Variants in SCD5 observed in about 807,000 individuals in gnomAD.
SCD5 encodes the protein acyl-CoA-desaturase 4.
Under a neutral mutation model 30.4 loss-of-function variants are expected in SCD5, and 20 were observed. That is an observed-to-expected ratio of 0.66 (90% confidence interval 0.46 to 0.96). SCD5 has a LOEUF of 0.96. Ranked by LOEUF, SCD5 falls within the 40% of genes least tolerant of loss-of-function variation. The pLI, the probability that SCD5 is intolerant of heterozygous loss-of-function variation, is 0.00. For synonymous variants in SCD5, 173 were observed against 176.4 expected, an observed-to-expected ratio of 0.98 and a Z score of 0.16; for missense variants, 381 against 443.3, an observed-to-expected ratio of 0.86 and a Z score of 1.26.
intron 1 of SCD5, among the ~76,000 whole-genome samples, chr4:82,784,482 A>C (rs1386556155): frequency 6.6e-6 from 1 of 152,238 alleles, no homozygotes; most frequent in Non-Finnish European, 1.5e-5. Context: ...CTGATGATAA[A>C]ATTAATATCA....
chr4:82,678,687 G>A (rs1728487584), intron 3 of SCD5, among the ~76,000 whole-genome samples: 1 of 152,216 alleles, frequency 6.6e-6, no homozygotes, highest in East Asian at 1.9e-4. Context: ...TGAGGTAAAG[G>A]GTGAGACATA....
At chr4:82,769,840 G>A (rs895597070) in intron 1 of SCD5, among the ~76,000 whole-genome samples, 1 of 151,992 alleles carries the variant, frequency 6.6e-6, no homozygotes, top group Non-Finnish European at 1.5e-5. Context: ...GGTTAATCTA[G>A]ATAAAGGAAC....
intron 1 of SCD5, among the ~76,000 whole-genome samples, chr4:82,730,638 T>A (rs1342261167): frequency 1.4e-5 from 2 of 139,726 alleles, no homozygotes; most frequent in Non-Finnish European, 3.0e-5. Flanking sequence ...CAGGCTGGAG[T>A]GCAGTGGCGG....
At chr4:82,722,884 G>A (rs916037160) in intron 1 of SCD5, among the ~76,000 whole-genome samples, 6 of 152,024 alleles carry the variant, frequency 3.9e-5, no homozygotes, top group South Asian at 2.1e-4. Flanking sequence ...CTTCGCCAAC[G>A]TAGTGAAACC....
intron 3 of SCD5, among the ~76,000 whole-genome samples, chr4:82,668,464 AT>A (rs1261267787): frequency 6.6e-6 from 1 of 152,202 alleles, no homozygotes; most frequent in African/African-American, 2.4e-5. Context: ...CCAGAATCTT[AT>A]TTTCTTTTTC....
rs150117140 is a variant in SCD5 at position 82,655,150 on chromosome 4, G to C, written c.570-18327C>G. Among the ~76,000 whole-genome samples, 9 of 152,232 alleles carry C rather than the reference G, an allele frequency of 5.9e-5. No individual in the cohort carries two copies. In the East Asian group the frequency reaches 1.7e-3, roughly 29 times the overall value. ...GTCACTTTCGTATACAAATTTGGGAGTCCCTGACTATTTCATAAGCATGTG... is the reference window on the plus strand; with the variant it reads ...GTCACTTTCGTATACAAATTTGGGACTCCCTGACTATTTCATAAGCATGTG... On this transcript the variant is annotated intron_variant, in intron 3 of 4. Coordinates refer to ENST00000319540, the MANE Select transcript of SCD5 (RefSeq NM_001037582.3).
intron 1 of SCD5, among the ~76,000 whole-genome samples, chr4:82,727,266 T>C (rs1018506670): frequency 2.0e-5 from 3 of 152,206 alleles, no homozygotes; most frequent in Non-Finnish European, 4.4e-5. Context: ...ACCTGCATTG[T>C]CTCTGGAAAA....
intron 1 of SCD5, among the ~76,000 whole-genome samples, chr4:82,713,838 T>G (rs144044113): frequency 5.3e-5 from 8 of 152,310 alleles, no homozygotes; most frequent in African/African-American, 1.9e-4. Context: ...TCATACCTGC[T>G]CCGATCACCT....
intron 3 of SCD5, among the ~76,000 whole-genome samples, chr4:82,649,180 GGT>G (rs55991339): frequency 0.17 from 24,994 of 143,800 alleles, 2,137 homozygotes; most frequent in East Asian, 0.33. Flanking sequence ...GGGTGAGAGG[GGT>G]GTGTGTGTGT....
At chr4:82,669,275 T>G (rs890555319) in intron 3 of SCD5, among the ~76,000 whole-genome samples, 1 of 148,532 alleles carries the variant, frequency 6.7e-6, no homozygotes, top group African/African-American at 2.5e-5. Context: ...GAAATACACT[T>G]AGGGTTTAGA....
At chr4:82,699,990 G>A (rs1320309889) in intron 2 of SCD5, among the ~76,000 whole-genome samples, 1 of 151,906 alleles carries the variant, frequency 6.6e-6, no homozygotes, top group African/African-American at 2.4e-5. Context: ...GCCAAGGCAG[G>A]TGGATCACTT....
chr4:82,673,551 A>T (rs1728372729), intron 3 of SCD5, among the ~76,000 whole-genome samples: 1 of 152,208 alleles, frequency 6.6e-6, no homozygotes, highest in Non-Finnish European at 1.5e-5. Flanking sequence ...CATAAATAGG[A>T]AGACTCAATA....
In SCD5 at chr4:82,687,523, A is replaced by G. The variant is rs543406703; in HGVS notation, c.364-6611T>C. 6.6e-5 allele frequency among the ~76,000 whole-genome samples: 10 copies of G among 152,344 alleles called. No homozygotes were observed. In the South Asian group the frequency reaches 2.1e-3, roughly 32 times the overall value. On this transcript the variant is annotated intron_variant, in intron 2 of 4. Transcript: ENST00000319540. ...GATTCATCTGGCAATCCAGTCTGTT[A>G]ATACACCTTTATGTCATCCTTCTTC...
At chr4:82,665,449 G>C (rs925615822) in intron 3 of SCD5, among the ~76,000 whole-genome samples, 1 of 151,752 alleles carries the variant, frequency 6.6e-6, no homozygotes, top group Non-Finnish European at 1.5e-5. Context: ...ATTGAAGTCA[G>C]TGACAAAAAA....
intron 2 of SCD5, chr4:82,698,035 C>G (rs1719732435): frequency 2.2e-6 from 1 of 456,512 alleles, no homozygotes; most frequent in African/African-American, 2.0e-5. Flanking sequence ...AAAATCACAC[C>G]AGGAAAAGCT....
At chr4:82,699,325 T>C (rs1365223339) in intron 2 of SCD5, among the ~76,000 whole-genome samples, 3 of 152,226 alleles carry the variant, frequency 2.0e-5, no homozygotes, top group African/African-American at 7.2e-5. Flanking sequence ...ATAACCACTT[T>C]TCTGTTTTCT....
intron 2 of SCD5, among the ~76,000 whole-genome samples, chr4:82,703,808 T>G (rs1719909492): frequency 6.6e-6 from 1 of 152,188 alleles, no homozygotes; most frequent in African/African-American, 2.4e-5. Context: ...AAAGGATTGC[T>G]TGAACACAAG....
chr4:82,708,383 A>G (rs558803453), intron 1 of SCD5, among the ~76,000 whole-genome samples: 2 of 152,168 alleles, frequency 1.3e-5, no homozygotes, highest in Non-Finnish European at 2.9e-5. Context: ...TTGGCCTAGG[A>G]TGCTCCCACA....
At chr4:82,716,486 A>G (rs1470877904) in intron 1 of SCD5, among the ~76,000 whole-genome samples, 4 of 151,848 alleles carry the variant, frequency 2.6e-5, no homozygotes, top group Admixed American at 2.0e-4. Context: ...TCAACTGTGG[A>G]TTCACCTGTG....
Sources: allele counts gnomAD v4.1 joint callset (sites outside exome capture counted in the v4.1 genomes callset), GRCh38; gene constraint gnomAD v4.1.1; transcripts MANE v1.5; gene names NCBI Gene and HGNC (gene_info 2026-07-23, HGNC 2026-07-21).